MIB1: variants seen among roughly 807,000 people sequenced by gnomAD.
MIB1 encodes the protein MIB E3 ubiquitin protein ligase 1, also known as E3 ubiquitin-protein ligase MIB1.
In MIB1, 278 loss-of-function variants were observed where a neutral mutation model predicts 124.5. That is an observed-to-expected ratio of 2.23 (90% confidence interval 2.02 to 2.47). The LOEUF (loss-of-function observed/expected upper bound fraction) is 2.47. Among genes scored for constraint, MIB1 ranks in the 30% most tolerant of loss-of-function variants. The pLI is 0.00. For missense variants in MIB1, 957 were observed against 1,254.4 expected (o/e 0.76, Z 3.58); for synonymous variants, 446 against 429.4 (o/e 1.04, Z -0.48).
intron 1 of MIB1, among the ~76,000 whole-genome samples, chr18:21,757,280 T>C (rs967649306): frequency 1.3e-5 from 2 of 151,122 alleles, no homozygotes; most frequent in Admixed American, 1.3e-4. Context: ...GGTGAAGCCC[T>C]GTCTCTACTG....
intron 6 of MIB1, among the ~76,000 whole-genome samples, chr18:21,781,365 T>TTATATATATGTG (rs2041360421): frequency 1.5e-5 from 1 of 67,254 alleles, no homozygotes. Context: ...TCTGTTCAAG[T>TTATATATATGTG]TATATATATA....
At position 21,819,694 on chromosome 18, in the gene MIB1, A is replaced by G. The variant is rs550044379; in HGVS notation, c.1829+48A>G. 1.6e-5 allele frequency: 21 copies of G among 1,311,280 alleles called. No individual in the cohort carries two copies. The South Asian group carries it at 2.2e-4, about 14-fold the overall frequency. The allele number at this position is 1,311,280 out of a possible 1,614,324, so 81.2% of individuals were successfully genotyped here. A position where few individuals can be genotyped will look rare whatever the true frequency, so the allele number is the denominator to read the frequency against. ...AGGTGCAATTCAAAAATATTTTCCT[A>G]CTGTTGATTCTCTTTTTCTGATACT... On this transcript the variant is annotated intron_variant, in intron 12 of 20. Coordinates refer to ENST00000261537, the MANE Select transcript of MIB1 (RefSeq NM_020774.4).
rs151208912 is a variant in MIB1 at position 21,774,265 on chromosome 18, A to G, written c.636+537A>G. On this transcript the variant is annotated intron_variant, in intron 4 of 20. Coordinates refer to ENST00000261537, the MANE Select transcript of MIB1 (RefSeq NM_020774.4). The stretch of plus-strand genomic sequence containing the variant: ...GGAGGTTTATTCAATGAGTTGTCCT[A>G]TGTTTTTGTATTTCATGGACCATTG... 2.1e-3 allele frequency among the ~76,000 whole-genome samples: 318 copies of G among 152,292 alleles called. 2 individuals carry two copies. The highest frequency in any genetic ancestry group is 2.5e-3 in the Non-Finnish European group (170 of 68,026).
At chr18:21,798,265 G>T (rs766128381) in intron 8 of MIB1, 37 bp downstream of exon 8, 2 of 1,599,354 alleles carry the variant, frequency 1.3e-6, no homozygotes, top group East Asian at 2.2e-5. Context: ...GAGTAATGTG[G>T]TTTACATTAA....
intron 1 of MIB1, among the ~76,000 whole-genome samples, chr18:21,750,962 T>G (rs1393236560): frequency 1.3e-5 from 2 of 152,216 alleles, no homozygotes; most frequent in East Asian, 3.9e-4. Flanking sequence ...TTTGGGAGGC[T>G]GAGGCAGGCA....
chr18:21,795,357 A>G (rs2041565412), intron 7 of MIB1, among the ~76,000 whole-genome samples: 1 of 142,842 alleles, frequency 7.0e-6, no homozygotes, highest in Admixed American at 7.2e-5. Context: ...TATATAAATA[A>G]TACATAATAT....
chr18:21,836,259 G>A lies in MIB1; in HGVS notation c.1830-2106G>A, dbSNP rs982951845. ...GGCAACAGAGAGAAACTTTGTCTCA[G>A]AAAAAAACAAAAGGTTTTTTTTTTT... On this transcript the variant is annotated intron_variant, in intron 12 of 20. Coordinates refer to ENST00000261537, the MANE Select transcript of MIB1 (RefSeq NM_020774.4). Among the ~76,000 whole-genome samples the A allele has an allele frequency of 4.8e-5, 7 of 145,954 alleles. No homozygotes were observed. The East Asian group carries it at 8.1e-4, about 17-fold the overall frequency.
At chr18:21,805,105 T>C (rs985745101) in intron 10 of MIB1, among the ~76,000 whole-genome samples, 2 of 152,082 alleles carry the variant, frequency 1.3e-5, no homozygotes, top group Admixed American at 1.3e-4. Flanking sequence ...CTCTGCCTCC[T>C]GGGATCAAGT....
At chr18:21,707,542 T>TA (rs1308506947) in intron 1 of MIB1, among the ~76,000 whole-genome samples, 1 of 152,182 alleles carries the variant, frequency 6.6e-6, no homozygotes, top group Non-Finnish European at 1.5e-5. Context: ...TTATGAGCTA[T>TA]AACACTCACT....
chr18:21,729,775 C>G (rs1428853234), intron 1 of MIB1, among the ~76,000 whole-genome samples: 1 of 152,138 alleles, frequency 6.6e-6, no homozygotes, highest in Non-Finnish European at 1.5e-5. Flanking sequence ...CAGGAGTGAG[C>G]CACTGCACCC....
At chr18:21,765,274 C>T (rs772521430) in intron 1 of MIB1, among the ~76,000 whole-genome samples, 2 of 152,202 alleles carry the variant, frequency 1.3e-5, no homozygotes, top group Non-Finnish European at 2.9e-5. Context: ...CATTTTCTAA[C>T]TTTTCCTGAC....
At chr18:21,819,262 C>G (rs1261860680) in intron 11 of MIB1, among the ~76,000 whole-genome samples, 1 of 152,196 alleles carries the variant, frequency 6.6e-6, no homozygotes, top group Non-Finnish European at 1.5e-5. Flanking sequence ...TGGTGTTGAA[C>G]TCCTGGCCTC....
At chr18:21,796,551 C>T (rs1432721043) in intron 7 of MIB1, among the ~76,000 whole-genome samples, 1 of 152,130 alleles carries the variant, frequency 6.6e-6, no homozygotes, top group East Asian at 1.9e-4. Context: ...TATCCCAGAA[C>T]TTAAAGTAAA....
chr18:21,800,165 AT>A (rs2041635076), intron 9 of MIB1, among the ~76,000 whole-genome samples, 191 bp downstream of exon 9: 2 of 152,024 alleles, frequency 1.3e-5, no homozygotes, highest in Non-Finnish European at 2.9e-5. Context: ...ACATTTTTGT[AT>A]TTAACATTAT....
chr18:21,844,106 AGGTG>A lies in MIB1; in HGVS notation c.2065_2068del (p.Gly689ProfsTer18). On this transcript the variant is annotated frameshift_variant, in exon 15 of 21. Transcript: ENST00000261537. LOFTEE classifies it high-confidence loss of function. Reference sequence around the variant, plus strand: ...TTCTCTTTTAGCTTTTGGTCCGTGCAGGTGCCAAGCTTGATATTCAGGATAAGGA... The same window carrying A: ...TTCTCTTTTAGCTTTTGGTCCGTGCACCAAGCTTGATATTCAGGATAAGGA... 6.2e-7 allele frequency: 1 copy of A among 1,613,990 alleles called. No individual in the cohort carries two copies. The highest frequency in any genetic ancestry group is 8.5e-7 in the Non-Finnish European group (1 of 1,180,004).
chr18:21,704,917 G>A, upstream of MIB1: 1 of 325,536 alleles, frequency 3.1e-6, no homozygotes, highest in East Asian at 5.0e-5. Flanking sequence ...GAACCTTCCA[G>A]AAGCGCGGTT....
At chr18:21,739,963 A>T (rs1042497472), upstream of MIB1, among the ~76,000 whole-genome samples, 1 of 151,930 alleles carries the variant, frequency 6.6e-6, no homozygotes, top group African/African-American at 2.4e-5. Context: ...AACAAAAAAA[A>T]TTTTATTTCA....
chr18:21,732,755 A>C (rs1427562880), intron 1 of MIB1, among the ~76,000 whole-genome samples: 2 of 152,210 alleles, frequency 1.3e-5, no homozygotes, highest in African/African-American at 4.8e-5. Context: ...AGACAAGAAA[A>C]AGCCAAAGCA....
At chr18:21,798,906 A>G (rs983659924) in intron 8 of MIB1, among the ~76,000 whole-genome samples, 1 of 152,124 alleles carries the variant, frequency 6.6e-6, no homozygotes, top group African/African-American at 2.4e-5. Flanking sequence ...CAAAAGGAAA[A>G]CATAAAGTGA....
Sources: gnomAD v4.1 joint callset for allele counts (sites outside exome capture counted in the v4.1 genomes callset) on GRCh38, gnomAD v4.1.1 for gene constraint, MANE v1.5 for transcripts, NCBI Gene and HGNC (gene_info 2026-07-23, HGNC 2026-07-21) for gene names.